The following LRRC69 variants were observed in gnomAD, a reference collection of about 807,000 sequenced individuals.
LRRC69 encodes leucine-rich repeat-containing protein 69.
A neutral mutation model predicts 37.8 loss-of-function variants in LRRC69; 42 were observed. That is an observed-to-expected ratio of 1.11 (90% CI 0.87 to 1.44). The LOEUF is 1.44. Ranked by LOEUF, LRRC69 falls within the 40% of genes most tolerant of loss-of-function variation. The pLI is 0.00. For synonymous variants in LRRC69, 141 were observed against 143.1 expected (o/e 0.99, Z 0.11); for missense variants, 357 against 401.9 (o/e 0.89, Z 0.96).
intron 5 of LRRC69, among the ~76,000 whole-genome samples, chr8:91,181,870 ACAGAC>A (rs1483806198): frequency 6.6e-6 from 1 of 152,184 alleles, no homozygotes; most frequent in Non-Finnish European, 1.5e-5. Context: ...AAAGCAGAGT[ACAGAC>A]TTTAAAGATA....
chr8:91,197,450 C>T (rs11998687), intron 6 of LRRC69, among the ~76,000 whole-genome samples: 101,630 of 151,294 alleles, frequency 0.67, 34,543 homozygotes, highest in Middle Eastern at 0.75. Flanking sequence ...GCCTCGCTGC[C>T]GCCTCGCAGT....
intron 6 of LRRC69, among the ~76,000 whole-genome samples, chr8:91,196,513 G>A (rs1443438441): frequency 1.3e-5 from 2 of 152,150 alleles, no homozygotes; most frequent in African/African-American, 4.8e-5. Flanking sequence ...TTTTCACATA[G>A]TCCCATATTT....
intron 7 of LRRC69, among the ~76,000 whole-genome samples, chr8:91,203,769 C>T (rs2130633151): frequency 6.6e-6 from 1 of 152,050 alleles, no homozygotes; most frequent in African/African-American, 2.4e-5. Flanking sequence ...GATTATCCTA[C>T]CCTAGAACTA....
intron 7 of LRRC69, among the ~76,000 whole-genome samples, chr8:91,211,450 G>A (rs1193295128): frequency 6.0e-5 from 9 of 151,150 alleles, no homozygotes; most frequent in Middle Eastern, 3.4e-3. Context: ...TTTAAATGCC[G>A]TTCATAAGTT....
chr8:91,161,550 T>G (rs1362100912), intron 5 of LRRC69, among the ~76,000 whole-genome samples: 2 of 151,248 alleles, frequency 1.3e-5, no homozygotes, highest in Non-Finnish European at 3.0e-5. Context: ...GAAATTTATC[T>G]GTTTTCTCTA....
chr8:91,142,898 C>T (rs557359202), intron 5 of LRRC69, among the ~76,000 whole-genome samples: 2 of 152,142 alleles, frequency 1.3e-5, no homozygotes, highest in South Asian at 4.1e-4. Flanking sequence ...GAGAATTTCA[C>T]TGTGTCCTTG....
chr8:91,177,456 C>CTA (rs747593966), intron 5 of LRRC69, among the ~76,000 whole-genome samples: 3 of 151,792 alleles, frequency 2.0e-5, no homozygotes, highest in African/African-American at 7.3e-5. Context: ...TAAGCATCAA[C>CTA]TATATATATA....
intron 5 of LRRC69, among the ~76,000 whole-genome samples, chr8:91,184,837 CAA>C (rs1177186230): frequency 2.6e-5 from 4 of 152,046 alleles, no homozygotes; most frequent in Non-Finnish European, 5.9e-5. Context: ...TGGAGAGAGA[CAA>C]GAGAGAAGTG....
intron 5 of LRRC69, among the ~76,000 whole-genome samples, chr8:91,183,959 T>C (rs1022557218): frequency 6.6e-6 from 1 of 152,182 alleles, no homozygotes; most frequent in Non-Finnish European, 1.5e-5. Context: ...ACCATTCATT[T>C]TTTTTAAACA....
At chr8:91,207,436 G>T (rs1809823749) in intron 7 of LRRC69, among the ~76,000 whole-genome samples, 1 of 152,184 alleles carries the variant, frequency 6.6e-6, no homozygotes, top group Admixed American at 6.5e-5. Flanking sequence ...AAGAGAGAAT[G>T]ATTGCATTCT....
At chr8:91,158,929 ACAT>A (rs1808887198) in intron 5 of LRRC69, among the ~76,000 whole-genome samples, 1 of 151,314 alleles carries the variant, frequency 6.6e-6, no homozygotes, top group South Asian at 2.1e-4. Flanking sequence ...GCAAATGGAA[ACAT>A]CAACAGACTA....
intron 7 of LRRC69, among the ~76,000 whole-genome samples, chr8:91,217,781 GT>G (rs1770614848): frequency 6.6e-6 from 1 of 152,160 alleles, no homozygotes. Context: ...TTCAGAACCT[GT>G]TTGCTGATTG....
At chr8:91,124,314 T>C (rs1163213725) in intron 1 of LRRC69, among the ~76,000 whole-genome samples, 179 bp from the exon 2 acceptor site, 3 of 151,158 alleles carry the variant, frequency 2.0e-5, no homozygotes, top group Admixed American at 2.0e-4. Flanking sequence ...AAAGTGAGCA[T>C]GAAGCTCAAA....
At position 91,155,882 on chromosome 8, in the gene LRRC69, CACAACATATATATAT is replaced by C. The variant is rs1156931465; in HGVS notation, c.651+20177_651+20191del. ...GTATGTGTGTGTATATATATATATACACAACATATATATATACAACATATATATATACAACATATA... is the reference window on the plus strand; with the variant it reads ...GTATGTGTGTGTATATATATATATACACAACATATATATATACAACATATA... On this transcript the variant is annotated intron_variant, in intron 5 of 7. Coordinates refer to ENST00000448384, the Ensembl canonical transcript of LRRC69. Among the ~76,000 whole-genome samples the C allele has an allele frequency of 6.2e-3, 882 of 143,034 alleles. 10 individuals carry two copies. Among genetic ancestry groups the C allele is most frequent in the African/African-American group, 0.021 (790 of 37,464 alleles). 93.8% of individuals were successfully genotyped at this position (143,034 alleles called of 152,430 possible).
intron 4 of LRRC69, among the ~76,000 whole-genome samples, chr8:91,135,313 G>A (rs1813889875): frequency 6.6e-6 from 1 of 151,992 alleles, no homozygotes; most frequent in Non-Finnish European, 1.5e-5. Flanking sequence ...TATGACTTAA[G>A]GGCTTCTATT....
At chr8:91,133,152 A>G in exon 4 of LRRC69, 1 of 1,532,860 alleles carries the variant, frequency 6.5e-7, no homozygotes, top group Non-Finnish European at 8.8e-7. Flanking sequence ...ATAACCAACT[A>G]GCCAGCATTC....
intron 5 of LRRC69, among the ~76,000 whole-genome samples, chr8:91,170,673 G>T (rs1286348402): frequency 1.4e-5 from 1 of 71,828 alleles, no homozygotes; most frequent in African/African-American, 6.3e-5. Flanking sequence ...TTTAATAAAT[G>T]GTGCTGGGAA....
At chr8:91,156,801 G>A (rs145551863) in intron 5 of LRRC69, among the ~76,000 whole-genome samples, 4 of 151,038 alleles carry the variant, frequency 2.6e-5, no homozygotes, top group African/African-American at 9.7e-5. Flanking sequence ...TTTGTTTATG[G>A]TGGGAGATAT....
Position 91,147,277 on chromosome 8 carries a change from A to G in LRRC69, c.651+11538A>G, listed in dbSNP as rs75360169. Reference sequence around the variant, plus strand: ...TATATATTATATATAAACATATATTATATATAAACATATTATATATTATAT... The same window carrying G: ...TATATATTATATATAAACATATATTGTATATAAACATATTATATATTATAT... On this transcript the variant is annotated intron_variant, in intron 5 of 7. Coordinates refer to ENST00000448384, the Ensembl canonical transcript of LRRC69. Among the ~76,000 whole-genome samples, 12 of 130,916 alleles carry G rather than the reference A, an allele frequency of 9.2e-5. No homozygotes were observed. The South Asian group carries it at 3.0e-3, about 32-fold the overall frequency. The allele number at this position is 130,916 out of a possible 152,430, so 85.9% of individuals were successfully genotyped here. A position where few individuals can be genotyped will look rare whatever the true frequency, so the allele number is the denominator to read the frequency against.
Sources: allele counts gnomAD v4.1 joint callset (sites outside exome capture counted in the v4.1 genomes callset), GRCh38; gene constraint gnomAD v4.1.1; transcripts MANE v1.5; gene names NCBI Gene and HGNC (gene_info 2026-07-23, HGNC 2026-07-21).